ANKS1B: variants seen among roughly 807,000 people sequenced by gnomAD.
The protein encoded by ANKS1B is ankyrin repeat and sterile alpha motif domain containing 1B.
In ANKS1B, 36 loss-of-function variants were observed where a neutral mutation model predicts 148.3. That is an observed-to-expected ratio of 0.24 (90% CI 0.19 to 0.32). The LOEUF is 0.32. Ranked by LOEUF, ANKS1B falls within the 10% of genes least tolerant of loss-of-function variation. ANKS1B has a pLI of 1.00. For missense variants in ANKS1B, 1,157 were observed against 1,542.6 expected, an observed-to-expected ratio of 0.75 and a Z score of 4.19; for synonymous variants, 542 against 560.8, an observed-to-expected ratio of 0.97 and a Z score of 0.47.
At chr12:99,060,410 T>C (rs2153557444) in intron 16 of ANKS1B, among the ~76,000 whole-genome samples, 1 of 152,194 alleles carries the variant, frequency 6.6e-6, no homozygotes, top group Admixed American at 6.5e-5. Context: ...GCTCTGAGAC[T>C]GCTTGATCGA....
chr12:98,822,705 G>A (rs151178654), intron 19 of ANKS1B, among the ~76,000 whole-genome samples: 2,052 of 152,284 alleles, frequency 0.013, 19 homozygotes, highest in Middle Eastern at 0.024. Context: ...GGAGACGTCA[G>A]AGCTTCTCTA....
intron 5 of ANKS1B, 64 bp downstream of exon 5, chr12:99,781,958 G>T: frequency 1.4e-6 from 2 of 1,384,646 alleles, no homozygotes; most frequent in Non-Finnish European, 9.9e-7. Context: ...ATTTTCCTTT[G>T]TCTATTCCCA....
At chr12:98,969,596 TAAG>T (rs1236220953) in intron 17 of ANKS1B, among the ~76,000 whole-genome samples, 1 of 152,190 alleles carries the variant, frequency 6.6e-6, no homozygotes, top group Admixed American at 6.5e-5. Flanking sequence ...TGCTTACTCT[TAAG>T]TTCTTTTTAT....
At chr12:99,103,696 A>T (rs2058518792) in intron 15 of ANKS1B, among the ~76,000 whole-genome samples, 1 of 152,136 alleles carries the variant, frequency 6.6e-6, no homozygotes. Context: ...TTCCTCTATG[A>T]AACTATTAAA....
chr12:99,761,303 C>A (rs946000487), intron 8 of ANKS1B, among the ~76,000 whole-genome samples: 14 of 151,506 alleles, frequency 9.2e-5, no homozygotes, highest in African/African-American at 3.1e-4. Context: ...AAGCAAATAT[C>A]CTCAGCAAAC....
chr12:99,051,477 T>C (rs2099966024), intron 17 of ANKS1B, among the ~76,000 whole-genome samples: 1 of 152,186 alleles, frequency 6.6e-6, no homozygotes, highest in Non-Finnish European at 1.5e-5. Context: ...CAACTTAAGT[T>C]GGAAGATTGT....
intron 9 of ANKS1B, among the ~76,000 whole-genome samples, chr12:99,639,582 AGGCAATT>A (rs1362757733): frequency 6.6e-6 from 1 of 152,060 alleles, no homozygotes; most frequent in Non-Finnish European, 1.5e-5. Context: ...ACCCAGTTGG[AGGCAATT>A]GGATCAGGGA....
intron 7 of ANKS1B, 24 bp from the exon 8 acceptor site, chr12:99,773,112 G>C: frequency 1.3e-6 from 2 of 1,580,516 alleles, no homozygotes; most frequent in Non-Finnish European, 1.7e-6. Flanking sequence ...TTTTTCAGAA[G>C]TTTCAAGAAA....
intron 9 of ANKS1B, among the ~76,000 whole-genome samples, chr12:99,597,104 T>C (rs915995298): frequency 6.6e-6 from 1 of 151,998 alleles, no homozygotes; most frequent in Non-Finnish European, 1.5e-5. Context: ...ATATTGTCCA[T>C]CTTTATTATT....
intron 1 of ANKS1B, among the ~76,000 whole-genome samples, chr12:99,854,279 T>C (rs2088592564): frequency 6.6e-6 from 1 of 152,188 alleles, no homozygotes; most frequent in Admixed American, 6.5e-5. Flanking sequence ...CCCAAAGTGC[T>C]GGGATTACAG....
intron 16 of ANKS1B, among the ~76,000 whole-genome samples, chr12:99,073,592 A>G (rs995625638): frequency 1.3e-5 from 2 of 151,802 alleles, no homozygotes; most frequent in African/African-American, 2.4e-5. Flanking sequence ...CTTCTTTTTC[A>G]TATTTGTCTT....
rs111237935 is a variant in ANKS1B, at chr12:99,482,371, T to G, written c.1438+22105A>C. On this transcript the variant is annotated intron_variant, in intron 10 of 26. Coordinates refer to ENST00000683438, the MANE Select transcript of ANKS1B (RefSeq NM_001352186.2). The stretch of plus-strand genomic sequence containing the variant: ...GGCTTTATTTCTGGGTTCTCTATTC[T>G]GTTCCATTTGTCTATGTGCCTACTT... Among the ~76,000 whole-genome samples the G allele has an allele frequency of 1.8e-3, 272 of 152,232 alleles. 1 individual carries two copies. The highest frequency in any genetic ancestry group is 6.1e-3 in the African/African-American group (255 of 41,572).
At chr12:99,955,253 G>C (rs1169007668) in intron 1 of ANKS1B, among the ~76,000 whole-genome samples, 1 of 151,982 alleles carries the variant, frequency 6.6e-6, no homozygotes, top group African/African-American at 2.4e-5. Flanking sequence ...AATATGGTTT[G>C]ACAGTGCACA....
At chr12:99,492,300 A>G (rs2096563148) in intron 10 of ANKS1B, among the ~76,000 whole-genome samples, 1 of 152,202 alleles carries the variant, frequency 6.6e-6, no homozygotes, top group African/African-American at 2.4e-5. Flanking sequence ...GAGAAAACCT[A>G]GAAGAGATGG....
intron 1 of ANKS1B, among the ~76,000 whole-genome samples, chr12:99,887,146 A>G (rs960641306): frequency 2.6e-5 from 4 of 152,150 alleles, no homozygotes; most frequent in Non-Finnish European, 4.4e-5. Context: ...GAAAGGCTCA[A>G]TGAAGATCGC....
At chr12:98,798,616 T>C (rs1423740664) in intron 22 of ANKS1B, among the ~76,000 whole-genome samples, 1 of 152,210 alleles carries the variant, frequency 6.6e-6, no homozygotes, top group Non-Finnish European at 1.5e-5. Flanking sequence ...TCTCAGACTA[T>C]TCAGTGCGTG....
intron 17 of ANKS1B, among the ~76,000 whole-genome samples, chr12:98,846,655 G>T (rs928110263): frequency 6.6e-6 from 1 of 152,216 alleles, no homozygotes; most frequent in Non-Finnish European, 1.5e-5. Context: ...ACTTCCTTCA[G>T]GTTTTAAGCT....
chr12:98,997,043 G>A (rs2153344781), intron 17 of ANKS1B, among the ~76,000 whole-genome samples: 1 of 151,918 alleles, frequency 6.6e-6, no homozygotes, highest in Non-Finnish European at 1.5e-5. Context: ...AAAATTAAGT[G>A]AGCAAATGCA....
At chr12:99,231,977 T>C (rs1468763595) in intron 14 of ANKS1B, among the ~76,000 whole-genome samples, 1 of 152,102 alleles carries the variant, frequency 6.6e-6, no homozygotes, top group East Asian at 1.9e-4. Context: ...AGTGAGTTCC[T>C]AAGGTCCTAG....
Sources: gnomAD v4.1 joint callset for allele counts (sites outside exome capture counted in the v4.1 genomes callset) on GRCh38, gnomAD v4.1.1 for gene constraint, MANE v1.5 for transcripts, NCBI Gene and HGNC (gene_info 2026-07-23, HGNC 2026-07-21) for gene names.